LRRC4C: variants seen among roughly 807,000 people sequenced by gnomAD.
LRRC4C encodes the protein leucine-rich repeat-containing protein 4C.
Under a neutral mutation model 33.6 loss-of-function variants are expected in LRRC4C, and 5 were observed. That is an observed-to-expected ratio of 0.15 (90% CI 0.08 to 0.31). The LOEUF is 0.31. LRRC4C is among the 10% of genes least tolerant of loss of function. The pLI is 1.00. For synonymous variants in LRRC4C, 329 were observed against 302.0 expected, an observed-to-expected ratio of 1.09 and a Z score of -0.93; for missense variants, 560 against 796.7, an observed-to-expected ratio of 0.70 and a Z score of 3.58.
At chr11:40,514,900 G>T (rs1219731823) in intron 3 of LRRC4C, among the ~76,000 whole-genome samples, 2 of 152,062 alleles carry the variant, frequency 1.3e-5, no homozygotes, top group African/African-American at 4.8e-5. Context: ...CTTGACATGG[G>T]ACTAGAGTTT....
chr11:40,331,545 A>G (rs901926234), intron 3 of LRRC4C, among the ~76,000 whole-genome samples: 3 of 152,238 alleles, frequency 2.0e-5, no homozygotes, highest in African/African-American at 4.8e-5. Context: ...TAGGTAAAAT[A>G]AGCAAGGCAC....
At chr11:41,457,486 T>G (rs1956206370) in intron 1 of LRRC4C, among the ~76,000 whole-genome samples, 1 of 152,144 alleles carries the variant, frequency 6.6e-6, no homozygotes, top group Non-Finnish European at 1.5e-5. Context: ...ATCCTTCTCC[T>G]TACAACAGAA....
chr11:41,215,564 A>T (rs1410778084), intron 1 of LRRC4C, among the ~76,000 whole-genome samples: 2 of 151,700 alleles, frequency 1.3e-5, no homozygotes, highest in African/African-American at 2.4e-5. Flanking sequence ...AACCCTGAAA[A>T]CCACTAATCT....
chr11:41,229,707 G>A (rs1947697548), intron 1 of LRRC4C, among the ~76,000 whole-genome samples: 2 of 152,022 alleles, frequency 1.3e-5, no homozygotes, highest in African/African-American at 4.8e-5. Context: ...ATGATCTCCT[G>A]TCTCAATGTT....
In LRRC4C at chr11:40,449,852, A is replaced by G. The variant is rs568673092; in HGVS notation, c.-269-130131T>C. 2.6e-5 allele frequency among the ~76,000 whole-genome samples: 4 copies of G among 152,310 alleles called. No homozygotes were observed. In the East Asian group the frequency reaches 7.7e-4, roughly 29 times the overall value. ...CAAAACAGCATTAAAGTTCAGTGAAAGCTTGCTATCTGGAGAAATATATTT... is the reference window on the plus strand; with the variant it reads ...CAAAACAGCATTAAAGTTCAGTGAAGGCTTGCTATCTGGAGAAATATATTT... On this transcript the variant is annotated intron_variant, in intron 3 of 6. Coordinates refer to ENST00000528697, the MANE Select transcript of LRRC4C (RefSeq NM_001258419.2).
At chr11:40,527,904 A>G (rs1455631228) in intron 3 of LRRC4C, among the ~76,000 whole-genome samples, 2 of 151,998 alleles carry the variant, frequency 1.3e-5, no homozygotes, top group African/African-American at 4.8e-5. Flanking sequence ...ATGCACCATG[A>G]TGCCTGGCTA....
At chr11:40,724,840 CTGTT>C (rs1947209124) in intron 2 of LRRC4C, among the ~76,000 whole-genome samples, 1 of 152,042 alleles carries the variant, frequency 6.6e-6, no homozygotes, top group African/African-American at 2.4e-5. Context: ...GGTTGATAGA[CTGTT>C]AGTTAGATTT....
intron 3 of LRRC4C, among the ~76,000 whole-genome samples, chr11:40,544,532 T>C (rs1384868254): frequency 2.0e-5 from 3 of 152,056 alleles, no homozygotes; most frequent in Non-Finnish European, 2.9e-5. Context: ...AGGCAAAATA[T>C]GGATTATTAC....
intron 1 of LRRC4C, among the ~76,000 whole-genome samples, chr11:41,199,657 C>A (rs954774689): frequency 7.9e-5 from 12 of 152,024 alleles, no homozygotes; most frequent in Admixed American, 2.0e-4. Flanking sequence ...CTTATATTTC[C>A]CAGTGAATGC....
intron 3 of LRRC4C, among the ~76,000 whole-genome samples, chr11:40,410,767 A>G (rs1950129575): frequency 6.6e-6 from 1 of 152,146 alleles, no homozygotes; most frequent in Non-Finnish European, 1.5e-5. Flanking sequence ...GGAATCCAGT[A>G]ACGTAGGTGT....
intron 4 of LRRC4C, among the ~76,000 whole-genome samples, chr11:40,307,293 C>CTTTT (rs1335868548): frequency 6.6e-6 from 1 of 152,026 alleles, no homozygotes; most frequent in Non-Finnish European, 1.5e-5. Context: ...TAAACTGTCC[C>CTTTT]TTTCTTTCTT....
intron 1 of LRRC4C, among the ~76,000 whole-genome samples, chr11:40,967,187 G>A (rs1400329649): frequency 6.6e-6 from 1 of 151,650 alleles, no homozygotes; most frequent in Non-Finnish European, 1.5e-5. Flanking sequence ...GATGGAGGGA[G>A]GAAGGGAGAA....
At chr11:41,095,795 T>C (rs545177324) in intron 1 of LRRC4C, among the ~76,000 whole-genome samples, 2 of 152,232 alleles carry the variant, frequency 1.3e-5, no homozygotes, top group East Asian at 3.8e-4. Flanking sequence ...ATGAGCTTTA[T>C]TAGTGATAAC....
intron 2 of LRRC4C, among the ~76,000 whole-genome samples, chr11:40,762,560 T>C (rs1949268737): frequency 6.6e-6 from 1 of 152,166 alleles, no homozygotes. Context: ...TTCATTTTTC[T>C]TTTTTGAGTC....
At chr11:41,015,951 C>G (rs1358467950) in intron 1 of LRRC4C, among the ~76,000 whole-genome samples, 2 of 152,072 alleles carry the variant, frequency 1.3e-5, no homozygotes, top group Admixed American at 1.3e-4. Context: ...GATCGCGCCA[C>G]TGCACTCCAG....
At chr11:40,587,841 G>A (rs2135708709) in intron 3 of LRRC4C, among the ~76,000 whole-genome samples, 1 of 152,228 alleles carries the variant, frequency 6.6e-6, no homozygotes, top group East Asian at 1.9e-4. Flanking sequence ...TGATCATGGT[G>A]GATAAGCTTT....
intron 1 of LRRC4C, among the ~76,000 whole-genome samples, chr11:41,034,469 ATG>A (rs1261798599): frequency 1.4e-5 from 2 of 145,758 alleles, no homozygotes; most frequent in African/African-American, 5.1e-5. Flanking sequence ...ATATATATAT[ATG>A]TGTGTATATA....
chr11:41,139,170 T>C (rs895132847), intron 1 of LRRC4C, among the ~76,000 whole-genome samples: 1 of 152,202 alleles, frequency 6.6e-6, no homozygotes, highest in African/African-American at 2.4e-5. Context: ...AAGGATACAA[T>C]AATTACATAA....
At chr11:40,332,168 A>G (rs925473041) in intron 3 of LRRC4C, among the ~76,000 whole-genome samples, 2 of 152,184 alleles carry the variant, frequency 1.3e-5, no homozygotes, top group African/African-American at 4.8e-5. Flanking sequence ...AACAGCAGCA[A>G]TTTATTCTCT....
Sources: allele counts gnomAD v4.1 joint callset (sites outside exome capture counted in the v4.1 genomes callset), GRCh38; gene constraint gnomAD v4.1.1; transcripts MANE v1.5; gene names NCBI Gene and HGNC (gene_info 2026-07-23, HGNC 2026-07-21).